SYNGR1: variants seen among roughly 807,000 people sequenced by gnomAD.
SYNGR1 encodes the protein synaptogyrin 1.
In SYNGR1, 14 loss-of-function variants were observed where a neutral mutation model predicts 26.1. The ratio of observed to expected loss-of-function variants is 0.54; its 90% CI spans 0.35 to 0.84. The LOEUF (loss-of-function observed/expected upper bound fraction) is 0.84, where lower values mean the gene tolerates loss of function less well. Among genes scored for constraint, SYNGR1 ranks in the 40% least tolerant of loss-of-function variants. SYNGR1 has a pLI of 0.01. For missense variants in SYNGR1, 319 were observed against 332.9 expected, an observed-to-expected ratio of 0.96 and a Z score of 0.33; for synonymous variants, 141 against 150.1, an observed-to-expected ratio of 0.94 and a Z score of 0.44.
chr22:39,364,287 C>T (rs781035075), intron 1 of SYNGR1: 13 of 1,613,234 alleles, frequency 8.1e-6, no homozygotes, highest in East Asian at 2.2e-5. Flanking sequence ...GGAGCAGGCC[C>T]GGATGTGAGG....
intron 3 of SYNGR1, chr22:39,378,051 C>T (rs1298837751): frequency 4.2e-6 from 5 of 1,190,774 alleles, no homozygotes; most frequent in African/African-American, 1.6e-5. Flanking sequence ...CGGCCCCATA[C>T]ATGGGCTGCC....
chr22:39,365,154 C>T (rs894125995), intron 1 of SYNGR1, among the ~76,000 whole-genome samples: 2 of 152,148 alleles, frequency 1.3e-5, no homozygotes, highest in African/African-American at 4.8e-5. Flanking sequence ...ACAGCAGATC[C>T]GCTTGTTGGA....
At chr22:39,368,947 C>T (rs1214014081) in intron 1 of SYNGR1, among the ~76,000 whole-genome samples, 1 of 152,218 alleles carries the variant, frequency 6.6e-6, no homozygotes, top group Non-Finnish European at 1.5e-5. Flanking sequence ...GGTACTTGCT[C>T]TAATTCTCCC....
In SYNGR1 at chr22:39,383,584, G is replaced by A. The variant is rs969855750; in HGVS notation, c.*1670G>A. 1.3e-5 allele frequency: 2 copies of A among 152,464 alleles called. No homozygotes were observed. Among genetic ancestry groups the A allele is most frequent in the African/African-American group, 4.8e-5 (2 of 41,446 alleles). 9.4% of individuals were successfully genotyped at this position (152,464 alleles called of 1,614,324 possible). ...TTCAGGGAGCAGAGCAGAGCAGGTGGTGGACGGGCCCAGTGCTGGGTGTTT... is the reference window on the plus strand; with the variant it reads ...TTCAGGGAGCAGAGCAGAGCAGGTGATGGACGGGCCCAGTGCTGGGTGTTT... On this transcript the variant is annotated 3_prime_UTR_variant, in exon 4 of 4. Transcript: ENST00000328933.
chr22:39,381,846 G>A lies in SYNGR1; in HGVS notation c.634G>A (p.Gly212Ser), dbSNP rs1046845638. 1.7e-5 allele frequency: 27 copies of A among 1,612,806 alleles called. No individual in the cohort carries two copies. Among genetic ancestry groups the A allele is most frequent in the South Asian group, 2.2e-5 (2 of 91,070 alleles). ...TGGGCCGGATCCCGCCGGTATGGGC[G>A]GCACCTACCAGCAGCCGGCCAACAC... ...PTGPDPAGMG[G>S]TYQQPANTFD... Residue 212 changes from glycine (G) to serine (S), a missense_variant, in exon 4 of 4, where the codon GGC becomes AGC. Gly to Ser is a moderately conservative substitution (Grantham distance 56, BLOSUM62 0). Transcript: ENST00000328933.
chr22:39,378,147 T>C, intron 3 of SYNGR1: 1 of 1,145,494 alleles, frequency 8.7e-7, no homozygotes, highest in Non-Finnish European at 1.1e-6. Context: ...GTGACCTCAC[T>C]GTCCTTAGGG....
chr22:39,373,623 A>C, intron 1 of SYNGR1, among the ~76,000 whole-genome samples: 1 of 151,824 alleles, frequency 6.6e-6, no homozygotes, highest in East Asian at 1.9e-4. Flanking sequence ...CTGAGACTAC[A>C]GGCACGCACC....
Position 39,359,448 on chromosome 22 carries a change from C to T in SYNGR1, c.99+9339C>T, listed in dbSNP as rs554006049. The stretch of plus-strand genomic sequence containing the variant: ...CATCCTGGCTGAGACAGTGAAACCC[C>T]GTCTCTACTAAAAAAAAAAAAAATA... On this transcript the variant is annotated intron_variant, in intron 1 of 3. Coordinates refer to ENST00000328933, the MANE Select transcript of SYNGR1 (RefSeq NM_004711.5). Among the ~76,000 whole-genome samples, 20 of 138,052 alleles carry T rather than the reference C, an allele frequency of 1.4e-4. No homozygotes were observed. The Admixed American group carries it at 1.5e-3, about 10-fold the overall frequency. The allele number at this position is 138,052 out of a possible 152,430, so 90.6% of individuals were successfully genotyped here. A position where few individuals can be genotyped will look rare whatever the true frequency, so the allele number is the denominator to read the frequency against.
Position 39,375,173 on chromosome 22 carries a change from G to A in SYNGR1, c.337+620G>A, listed in dbSNP as rs139851630. 6.2e-3 allele frequency: 995 copies of A among 160,896 alleles called. 16 individuals carry two copies. The highest frequency in any genetic ancestry group is 0.022 in the African/African-American group (935 of 41,648). 10.0% of individuals were successfully genotyped at this position (160,896 alleles called of 1,614,324 possible). On this transcript the variant is annotated intron_variant, in intron 2 of 3. Coordinates refer to ENST00000328933, the MANE Select transcript of SYNGR1 (RefSeq NM_004711.5). ...TCGCTGTTCTGAGGCTTGGGTCCCC[G>A]GACTGGGACCAACCCCTAGTTCTAA... is the stretch of plus-strand genomic sequence containing the variant.
At chr22:39,360,649 C>A (rs965570442) in intron 1 of SYNGR1, among the ~76,000 whole-genome samples, 3 of 152,116 alleles carry the variant, frequency 2.0e-5, no homozygotes, top group Non-Finnish European at 1.5e-5. Flanking sequence ...GAGCACGGGC[C>A]GGATGAGGTG....
intron 1 of SYNGR1, among the ~76,000 whole-genome samples, chr22:39,365,788 A>G (rs975007519): frequency 1.3e-5 from 2 of 151,196 alleles, no homozygotes; most frequent in Non-Finnish European, 2.9e-5. Flanking sequence ...CCCCATTATC[A>G]TCATTGAGCC....
intron 1 of SYNGR1, among the ~76,000 whole-genome samples, chr22:39,370,020 A>G (rs1465879771): frequency 1.3e-5 from 2 of 152,148 alleles, no homozygotes; most frequent in African/African-American, 2.4e-5. Context: ...TATTGTAGAG[A>G]TGGGGTTTTG....
At chr22:39,351,158 G>C (rs1923889272) in intron 1 of SYNGR1, among the ~76,000 whole-genome samples, 1 of 152,318 alleles carries the variant, frequency 6.6e-6, no homozygotes, top group South Asian at 2.1e-4. Flanking sequence ...TCCCACTCGA[G>C]GTTCTGGCCT....
chr22:39,358,557 A>G (rs1190222313), intron 1 of SYNGR1, among the ~76,000 whole-genome samples: 1 of 151,894 alleles, frequency 6.6e-6, no homozygotes, highest in East Asian at 1.9e-4. Context: ...GGAGGAACGA[A>G]CAACTCCAGA....
intron 1 of SYNGR1, among the ~76,000 whole-genome samples, chr22:39,361,604 C>T (rs577649603): frequency 5.9e-4 from 90 of 152,120 alleles, no homozygotes; most frequent in African/African-American, 2.1e-3. Flanking sequence ...AAGTCATCCA[C>T]CCGCCTCTGC....
intron 3 of SYNGR1, chr22:39,377,177 T>G: frequency 1.4e-6 from 2 of 1,460,832 alleles, no homozygotes; most frequent in Non-Finnish European, 1.8e-6. Context: ...TCCCCCATCC[T>G]TCTGGTTTGC....
At chr22:39,358,853 A>G (rs981269039) in intron 1 of SYNGR1, among the ~76,000 whole-genome samples, 2 of 152,212 alleles carry the variant, frequency 1.3e-5, no homozygotes, top group African/African-American at 4.8e-5. Context: ...TGTTTCTGGG[A>G]CAAACGTCCC....
chr22:39,374,354 G>C lies in SYNGR1; in HGVS notation c.138G>C (p.Glu46Asp). 1 of 1,614,040 alleles carries C rather than the reference G, an allele frequency of 6.2e-7. No individual in the cohort carries two copies. The highest frequency in any genetic ancestry group is 8.5e-7 in the Non-Finnish European group (1 of 1,180,030). ...SIVVFGSIVN[E>D]GYLNSASEGE... ...TGGTGTTCGGCTCCATCGTGAACGA[G>C]GGCTACCTCAACAGCGCCTCCGAGG... The change falls in exon 2 of 4, where the codon GAG becomes GAC. Residue 46 changes from glutamate (E) to aspartate (D), a missense_variant. Coordinates refer to ENST00000328933, the MANE Select transcript of SYNGR1 (RefSeq NM_004711.5).
At chr22:39,363,991 A>G (rs891667257) in intron 1 of SYNGR1, among the ~76,000 whole-genome samples, 2 of 152,182 alleles carry the variant, frequency 1.3e-5, no homozygotes, top group Non-Finnish European at 1.5e-5. Context: ...TGGCAGCGTT[A>G]CAGTGATCTC....
Sources: allele counts gnomAD v4.1 joint callset (sites outside exome capture counted in the v4.1 genomes callset), GRCh38; gene constraint gnomAD v4.1.1; transcripts MANE v1.5; gene names NCBI Gene and HGNC (gene_info 2026-07-23, HGNC 2026-07-21).